The following IQCF3 variants were observed in gnomAD, a reference collection of about 807,000 sequenced individuals.
IQCF3 encodes the protein IQ motif containing F3.
IQCF3 carries 7 observed loss-of-function variants against 5.1 expected under a neutral mutation model. That is an observed-to-expected ratio of 1.36 (90% CI 0.78 to 2.56). The LOEUF is 2.56. IQCF3 is among the 30% of genes most tolerant of loss of function. The probability of loss-of-function intolerance (pLI) is 0.00; values close to 1 mark genes in which losing one functional copy is unlikely to be tolerated. For missense variants in IQCF3, 189 were observed against 196.5 expected, an observed-to-expected ratio of 0.96 and a Z score of 0.23; for synonymous variants, 82 against 72.8, an observed-to-expected ratio of 1.13 and a Z score of -0.64.
At chr3:51,829,750 A>G (rs1259306639) in intron 2 of IQCF3, 38 bp downstream of exon 2, 2 of 1,595,524 alleles carry the variant, frequency 1.3e-6, no homozygotes, top group Non-Finnish European at 1.7e-6. Context: ...ATTGCAGATC[A>G]TTGACTCTTT....
At chr3:51,829,900 C>T in intron 2 of IQCF3, 188 bp downstream of exon 2, 1 of 616,610 alleles carries the variant, frequency 1.6e-6, no homozygotes, top group South Asian at 1.9e-5. Flanking sequence ...TGCGCACAGC[C>T]ACCTGATAGG....
rs373444918 is a variant in IQCF3 at position 51,829,610 on chromosome 3, T to G, written c.19-55T>G. On this transcript the variant is annotated intron_variant, in intron 1 of 2. Coordinates refer to ENST00000440739, the MANE Select transcript of IQCF3 (RefSeq NM_001393887.1). ...ATGGGGAACTGGGCCTGTGGGGACTTTGCAGTCAGGCTGGTCCTCACCCAT... is the reference window on the plus strand; with the variant it reads ...ATGGGGAACTGGGCCTGTGGGGACTGTGCAGTCAGGCTGGTCCTCACCCAT... The G allele has an allele frequency of 9.4e-4, 1,516 of 1,606,010 alleles. 1 individual carries two copies. Among genetic ancestry groups the G allele is most frequent in the Non-Finnish European group, 1.2e-3 (1,424 of 1,175,434 alleles).
Position 51,830,431 on chromosome 3 carries a change from A to G in IQCF3, c.95A>G (p.Lys32Arg). 2 of 1,557,628 alleles carry G rather than the reference A, an allele frequency of 1.3e-6. No homozygotes were observed. The highest frequency in any genetic ancestry group is 2.5e-5 in the South Asian group (2 of 81,572). The change falls in exon 3 of 3, where the codon AAA becomes AGA. Residue 32 changes from lysine (K) to arginine (R), a missense_variant. Coordinates refer to ENST00000440739, the MANE Select transcript of IQCF3 (RefSeq NM_001393887.1). This position sits in a 1 kb window ranked among gnomAD's most constrained non-coding sequence, Gnocchi z 4.1. Reference sequence around the variant, plus strand: ...CTTCTTGCACAACTGCATCACAGAAAAAGGGTGAAGGCAGCTGGGCAGATC... The same window carrying G: ...CTTCTTGCACAACTGCATCACAGAAGAAGGGTGAAGGCAGCTGGGCAGATC... The part of the protein sequence containing the change: ...KLLLAQLHHR[K>R]RVKAAGQIQA...
rs1171698964 is a variant in IQCF3, at chr3:51,829,450, G to T, written c.-26G>T. On this transcript the variant is annotated 5_prime_UTR_variant, in exon 1 of 3. The change abolishes an upstream ATG in the 5' untranslated region. Transcript: ENST00000440739. ...CAGGAAACAGCAACCAGAGGGAGAT[G>T]ATCACCTGAACCACTGCTCCAAACC... is the stretch of plus-strand genomic sequence containing the variant. 6.3e-7 allele frequency: 1 copy of T among 1,592,626 alleles called. No individual in the cohort carries two copies. Among genetic ancestry groups the T allele is most frequent in the Non-Finnish European group, 8.5e-7 (1 of 1,169,620 alleles).
chr3:51,829,465 T>A lies in IQCF3; in HGVS notation c.-11T>A. ...AGAGGGAGATGATCACCTGAACCAC[T>A]GCTCCAAACCATGGGCAGTAAATGC... On this transcript the variant is annotated 5_prime_UTR_variant, in exon 1 of 3. Transcript: ENST00000440739. 1 of 1,597,048 alleles carries A rather than the reference T, an allele frequency of 6.3e-7. No individual in the cohort carries two copies. Among genetic ancestry groups the A allele is most frequent in the South Asian group, 1.1e-5 (1 of 87,792 alleles).
In IQCF3 at chr3:51,830,508, C is replaced by G; in HGVS notation, c.172C>G (p.Leu58Val). ...GCGCAGGACCCTGCTGGTTGCTGCC[C>G]TCAGGGCCTGGATGATTCAGTGCTG... ...LVRRTLLVAA[L>V]RAWMIQCWWR... is the part of the protein sequence containing the mutation. The change falls in exon 3 of 3, where the codon CTC becomes GTC. Residue 58 changes from leucine (L) to valine (V), a missense_variant. Transcript: ENST00000440739. The surrounding 1 kb of genome is among the most constrained non-coding windows in gnomAD (Gnocchi z 4.1). 2 of 1,613,972 alleles carry G rather than the reference C, an allele frequency of 1.2e-6. No homozygotes were observed. The highest frequency in any genetic ancestry group is 4.5e-5 in the East Asian group (2 of 44,884).
intron 1 of IQCF3, 63 bp downstream of exon 1, chr3:51,829,556 C>T: frequency 6.3e-7 from 1 of 1,590,158 alleles, no homozygotes; most frequent in Admixed American, 1.8e-5. Flanking sequence ...AGGAAAGCAC[C>T]AGGCCACTTC....
Position 51,830,166 on chromosome 3 carries a change from T to C in IQCF3, c.67-237T>C, listed in dbSNP as rs1371002477. ...GTTGGGTCTTCTGGACCAGAAAGTG[T>C]CTCCGCTAGTCCCATAAACCCGAGA... On this transcript the variant is annotated intron_variant, in intron 2 of 2. Coordinates refer to ENST00000440739, the MANE Select transcript of IQCF3 (RefSeq NM_001393887.1). The surrounding 1 kb of genome is among the most constrained non-coding windows in gnomAD (Gnocchi z 4.1). Among the ~76,000 whole-genome samples, 1 of 152,064 alleles carries C rather than the reference T, an allele frequency of 6.6e-6. No homozygotes were observed. Among genetic ancestry groups the C allele is most frequent in the Non-Finnish European group, 1.5e-5 (1 of 68,014 alleles).
upstream of IQCF3, chr3:51,829,204 C>A: frequency 3.9e-6 from 2 of 510,918 alleles, no homozygotes; most frequent in Admixed American, 3.4e-5. Context: ...GAAGGAAAGG[C>A]AACCATGAAA....
chr3:51,829,320 A>G, upstream of IQCF3: 1 of 750,502 alleles, frequency 1.3e-6, no homozygotes, highest in South Asian at 1.7e-5. Context: ...TTTTCTCTTT[A>G]TCCATCAACT....
intron 2 of IQCF3, chr3:51,829,987 G>C: frequency 2.0e-6 from 1 of 509,796 alleles, no homozygotes; most frequent in Non-Finnish European, 3.5e-6. Flanking sequence ...GTCCACAAAA[G>C]TGAGATGAGG....
upstream of IQCF3, chr3:51,828,582 T>C (rs1359946295): frequency 6.6e-6 from 1 of 152,254 alleles, no homozygotes; most frequent in Non-Finnish European, 1.5e-5. Flanking sequence ...TTGCAAGTAC[T>C]TTGTTAAGGA....
intron 1 of IQCF3, 56 bp downstream of exon 1, chr3:51,829,549 A>G: frequency 1.9e-6 from 3 of 1,592,446 alleles, no homozygotes; most frequent in Non-Finnish European, 2.6e-6. Flanking sequence ...ATGGCCCAGG[A>G]AAGCACCAGG....
In IQCF3 at chr3:51,830,494, T is replaced by C. The variant is rs780843437; in HGVS notation, c.158T>C (p.Leu53Pro). Residue 53 changes from leucine (L) to proline (P), a missense_variant, in exon 3 of 3, where the codon CTG (leucine) becomes CCG (proline). Physicochemically the swap from Leu to Pro is moderately conservative, Grantham distance 98. Coordinates refer to ENST00000440739, the MANE Select transcript of IQCF3 (RefSeq NM_001393887.1). This position sits in a 1 kb window ranked among gnomAD's most constrained non-coding sequence, Gnocchi z 4.1. ...WWRGVLVRRTLLVAALRAWMI... is the reference protein window; with the variant it reads ...WWRGVLVRRTPLVAALRAWMI... ...CGTGGGGTCCTGGTGCGCAGGACCCTGCTGGTTGCTGCCCTCAGGGCCTGG... is the reference window on the plus strand; with the variant it reads ...CGTGGGGTCCTGGTGCGCAGGACCCCGCTGGTTGCTGCCCTCAGGGCCTGG... 3.7e-6 allele frequency: 6 copies of C among 1,613,596 alleles called. No homozygotes were observed. The Admixed American group carries it at 8.3e-5, about 22-fold the overall frequency.
chr3:51,829,918 C>A (rs954835876), intron 2 of IQCF3: 5 of 589,328 alleles, frequency 8.5e-6, no homozygotes, highest in Admixed American at 2.9e-5. Context: ...AGGTGGGGCT[C>A]AGCACAGGAA....
At position 51,830,603 on chromosome 3, in the gene IQCF3, G is replaced by A. The variant is rs1698354141; in HGVS notation, c.267G>A (p.Gln89=). The change falls in exon 3 of 3, where the codon CAG becomes CAA. Residue 89 remains glutamine, a synonymous_variant. Transcript: ENST00000440739. This position sits in a 1 kb window ranked among gnomAD's most constrained non-coding sequence, Gnocchi z 4.1. ...CCCTGTTGAGGGTCTACGTCATCCA[G>A]GAGCAGGCGACGGTCAAGCTCCAGT... ...RQALLRVYVI[Q]EQATVKLQSC... is the part of the protein sequence containing the mutation. 1.5e-5 allele frequency: 25 copies of A among 1,613,876 alleles called. No homozygotes were observed. The highest frequency in any genetic ancestry group is 2.0e-5 in the Non-Finnish European group (24 of 1,179,882).
In IQCF3 at chr3:51,830,407, T is replaced by G; in HGVS notation, c.71T>G (p.Leu24Arg). The change falls in exon 3 of 3, where the codon CTT becomes CGT. Residue 24 changes from leucine (L) to arginine (R), a missense_variant. Transcript: ENST00000440739. The surrounding 1 kb of genome is among the most constrained non-coding windows in gnomAD (Gnocchi z 4.1). ...TCCTCTGCTTTGCTTGGCCAGTTGCTTCTTGCACAACTGCATCACAGAAAA... is the reference window on the plus strand; with the variant it reads ...TCCTCTGCTTTGCTTGGCCAGTTGCGTCTTGCACAACTGCATCACAGAAAA... ...AVERQRRQKL[L>R]LAQLHHRKRV... is the part of the protein sequence containing the mutation. The G allele has an allele frequency of 1.3e-6, 2 of 1,534,766 alleles. No individual in the cohort carries two copies. Among genetic ancestry groups the G allele is most frequent in the Non-Finnish European group, 1.7e-6 (2 of 1,143,084 alleles).
Position 51,830,601 on chromosome 3 carries a change from C to G in IQCF3, c.265C>G (p.Gln89Glu). The change falls in exon 3 of 3, where the codon CAG becomes GAG. Residue 89 changes from glutamine to glutamate, a missense_variant. Physicochemically the swap from Gln to Glu is conservative, Grantham distance 29. Coordinates refer to ENST00000440739, the MANE Select transcript of IQCF3 (RefSeq NM_001393887.1). This position sits in a 1 kb window ranked among gnomAD's most constrained non-coding sequence, Gnocchi z 4.1. ...RQALLRVYVI[Q>E]EQATVKLQSC... ...GGCCCTGTTGAGGGTCTACGTCATC[C>G]AGGAGCAGGCGACGGTCAAGCTCCA... 4 of 1,613,884 alleles carry G rather than the reference C, an allele frequency of 2.5e-6. No homozygotes were observed. Among genetic ancestry groups the G allele is most frequent in the Non-Finnish European group, 3.4e-6 (4 of 1,179,834 alleles).
At chr3:51,827,778 C>A (rs149909250), upstream of IQCF3, among the ~76,000 whole-genome samples, 3 of 152,164 alleles carry the variant, frequency 2.0e-5, no homozygotes, top group Admixed American at 2.0e-4. Context: ...AAACCTAGTA[C>A]TCAATAGTTA....
Sources: allele counts gnomAD v4.1 joint callset (sites outside exome capture counted in the v4.1 genomes callset), GRCh38; gene constraint gnomAD v4.1.1; non-coding constraint Gnocchi (gnomAD v3.1); transcripts MANE v1.5; gene names NCBI Gene and HGNC (gene_info 2026-07-23, HGNC 2026-07-21).